Variants in SMOC2 observed in about 807,000 individuals in gnomAD.
SMOC2 encodes SPARC-related modular calcium-binding protein 2.
Under a neutral mutation model 61.4 loss-of-function variants are expected in SMOC2, and 39 were observed. The observed-to-expected ratio is 0.64, with a 90% CI of 0.49 to 0.83. The LOEUF (loss-of-function observed/expected upper bound fraction) is 0.83. Ranked by LOEUF, SMOC2 falls within the 40% of genes least tolerant of loss-of-function variation. SMOC2 has a pLI of 0.00. For synonymous variants in SMOC2, 247 were observed against 239.9 expected (o/e 1.03, Z -0.27); for missense variants, 556 against 592.9 (o/e 0.94, Z 0.65).
At chr6:168,570,269 A>G (rs151203057) in intron 7 of SMOC2, among the ~76,000 whole-genome samples, 1 of 152,280 alleles carries the variant, frequency 6.6e-6, no homozygotes, top group African/African-American at 2.4e-5. Context: ...AAGTCAGGAA[A>G]TGAGAGGTGC....
At chr6:168,462,052 G>A (rs1781730768) in intron 1 of SMOC2, among the ~76,000 whole-genome samples, 1 of 151,798 alleles carries the variant, frequency 6.6e-6, no homozygotes, top group Admixed American at 6.6e-5. Context: ...TTTTTTTTGA[G>A]GAGGGCTCTT....
At chr6:168,643,347 C>T (rs1409625517) in intron 9 of SMOC2, among the ~76,000 whole-genome samples, 2 of 152,182 alleles carry the variant, frequency 1.3e-5, no homozygotes, top group Non-Finnish European at 2.9e-5. Context: ...ATAAGACCTC[C>T]TGGGTTTTGG....
rs548292876 is a variant in SMOC2 at position 168,635,264 on chromosome 6, C to T, written c.908-15417C>T. ...TAAAGGGTGTTCACCAGACGTACGCCGGACATCGAGCAGTTTATCATCTAG... is the reference window on the plus strand; with the variant it reads ...TAAAGGGTGTTCACCAGACGTACGCTGGACATCGAGCAGTTTATCATCTAG... On this transcript the variant is annotated intron_variant, in intron 9 of 12. Coordinates refer to ENST00000356284, the MANE Select transcript of SMOC2 (RefSeq NM_001166412.2). Among the ~76,000 whole-genome samples, 8 of 152,284 alleles carry T rather than the reference C, an allele frequency of 5.3e-5. No homozygotes were observed. In the South Asian group the frequency reaches 1.2e-3, roughly 24 times the overall value.
intron 11 of SMOC2, among the ~76,000 whole-genome samples, chr6:168,659,667 TGGGTGAGGGTGGAGGTTGTAGGTA>T (rs1787439791): frequency 1.6e-5 from 2 of 128,980 alleles, no homozygotes; most frequent in African/African-American, 2.8e-5. Context: ...GGTTGTAGGC[TGGGTGAGGGTGGAGGTTGTAGGTA>T]GGGTGAGGGT....
chr6:168,494,018 C>T (rs1400264030), intron 1 of SMOC2, among the ~76,000 whole-genome samples: 1 of 152,156 alleles, frequency 6.6e-6, no homozygotes, highest in Non-Finnish European at 1.5e-5. Context: ...GGGATCATTC[C>T]GATGCCATTG....
intron 11 of SMOC2, among the ~76,000 whole-genome samples, 193 bp downstream of exon 11, chr6:168,653,421 C>T (rs925805602): frequency 6.6e-6 from 1 of 152,236 alleles, no homozygotes; most frequent in East Asian, 1.9e-4. Context: ...TGCCACTTGC[C>T]CAGGAGAGCC....
chr6:168,496,972 AG>A (rs1043839530), intron 1 of SMOC2, among the ~76,000 whole-genome samples: 2 of 152,214 alleles, frequency 1.3e-5, no homozygotes, highest in African/African-American at 4.8e-5. Flanking sequence ...CCTCCAGGCG[AG>A]GGGAAGATGC....
At chr6:168,494,686 T>C (rs914588482) in intron 1 of SMOC2, among the ~76,000 whole-genome samples, 2 of 152,176 alleles carry the variant, frequency 1.3e-5, no homozygotes, top group African/African-American at 4.8e-5. Flanking sequence ...AATGGAGAAA[T>C]GCACCTCTCC....
chr6:168,592,274 T>C (rs1211711492), intron 7 of SMOC2, among the ~76,000 whole-genome samples: 3 of 148,582 alleles, frequency 2.0e-5, no homozygotes. Context: ...CACGGGCATC[T>C]TTCTAGAGGA....
chr6:168,531,667 C>CA (rs763217279), intron 4 of SMOC2, among the ~76,000 whole-genome samples: 4 of 152,182 alleles, frequency 2.6e-5, no homozygotes, highest in Non-Finnish European at 5.9e-5. Flanking sequence ...GCAGAAGTGC[C>CA]AGCCATGGCT....
chr6:168,503,112 C>G (rs1782776714), intron 1 of SMOC2, among the ~76,000 whole-genome samples: 1 of 80,476 alleles, frequency 1.2e-5, no homozygotes, highest in Non-Finnish European at 2.2e-5. Flanking sequence ...AAATTTCACT[C>G]TTGTTGCCAA....
At position 168,472,625 on chromosome 6, in the gene SMOC2, G is replaced by A. The variant is rs149519958; in HGVS notation, c.84+31171G>A. ...CATGTTTATTCTGATAAGACTTTCC[G>A]TGTTGCTGCAATATTAAAATGCTAT... On this transcript the variant is annotated intron_variant, in intron 1 of 12. Coordinates refer to ENST00000356284, the MANE Select transcript of SMOC2 (RefSeq NM_001166412.2). Among the ~76,000 whole-genome samples, 951 of 152,144 alleles carry A rather than the reference G, an allele frequency of 6.3e-3. 16 individuals are homozygous for A. Among genetic ancestry groups the A allele is most frequent in the South Asian group, 8.1e-3 (39 of 4,822 alleles).
At chr6:168,628,022 C>T (rs1786459153) in intron 9 of SMOC2, among the ~76,000 whole-genome samples, 1 of 152,170 alleles carries the variant, frequency 6.6e-6, no homozygotes, top group Non-Finnish European at 1.5e-5. Flanking sequence ...TAACGCCACT[C>T]TTGCCATCCA....
At chr6:168,469,300 G>T (rs566401584) in intron 1 of SMOC2, among the ~76,000 whole-genome samples, 1 of 152,330 alleles carries the variant, frequency 6.6e-6, no homozygotes, top group Admixed American at 6.5e-5. Context: ...GGAACCCCTG[G>T]AGGGTCTCAG....
chr6:168,454,851 C>T (rs908331832), intron 1 of SMOC2, among the ~76,000 whole-genome samples: 2 of 152,196 alleles, frequency 1.3e-5, no homozygotes, highest in African/African-American at 4.8e-5. Context: ...TGTGCGTGGC[C>T]AGTGTTCCAG....
At chr6:168,445,896 G>A (rs1781322071) in intron 1 of SMOC2, among the ~76,000 whole-genome samples, 1 of 152,158 alleles carries the variant, frequency 6.6e-6, no homozygotes, top group Admixed American at 6.5e-5. Flanking sequence ...CAGCCAATGG[G>A]CATGGATGTA....
At chr6:168,572,939 C>G (rs112166584) in intron 7 of SMOC2, among the ~76,000 whole-genome samples, 16 of 46,542 alleles carry the variant, frequency 3.4e-4, no homozygotes, top group African/African-American at 7.7e-4. Flanking sequence ...CCCCTGGTGC[C>G]GGGACCAGGG....
chr6:168,613,778 T>C (rs1188588863), intron 9 of SMOC2, among the ~76,000 whole-genome samples: 5 of 125,362 alleles, frequency 4.0e-5, no homozygotes, highest in Admixed American at 8.0e-5. Flanking sequence ...ACAGGGCCTC[T>C]TCACACCTAC....
In SMOC2 at chr6:168,540,752, G is replaced by C. The variant is rs139830639; in HGVS notation, c.464-2873G>C. Among the ~76,000 whole-genome samples, 467 of 152,292 alleles carry C rather than the reference G, an allele frequency of 3.1e-3. 1 individual carries two copies. The highest frequency in any genetic ancestry group is 5.3e-3 in the Non-Finnish European group (359 of 68,020). ...TAGACCAGAGAACGCAGCCCTTGCT[G>C]TTCCCTTTTCTTTTTCTCTCGCCTC... On this transcript the variant is annotated intron_variant, in intron 4 of 12. Transcript: ENST00000356284.
Sources: allele counts gnomAD v4.1 joint callset (sites outside exome capture counted in the v4.1 genomes callset), GRCh38; gene constraint gnomAD v4.1.1; transcripts MANE v1.5; gene names NCBI Gene and HGNC (gene_info 2026-07-23, HGNC 2026-07-21).